RAPGEF1: variants seen among roughly 807,000 people sequenced by gnomAD.
RAPGEF1 encodes the protein Rap guanine nucleotide exchange factor 1, also known as CRK SH3-binding GNRP.
Under a neutral mutation model 143.3 loss-of-function variants are expected in RAPGEF1, and 33 were observed. The ratio of observed to expected loss-of-function variants is 0.23; its 90% CI spans 0.17 to 0.31. The LOEUF is 0.31. RAPGEF1 is among the 10% of genes least tolerant of loss of function. The pLI is 1.00. For synonymous variants in RAPGEF1, 629 were observed against 676.5 expected, an observed-to-expected ratio of 0.93 and a Z score of 1.09; for missense variants, 1,199 against 1,645.4, an observed-to-expected ratio of 0.73 and a Z score of 4.69.
intron 1 of RAPGEF1, among the ~76,000 whole-genome samples, chr9:131,652,906 C>A (rs1486602558): frequency 6.6e-6 from 1 of 152,158 alleles, no homozygotes; most frequent in Non-Finnish European, 1.5e-5. Context: ...AGCATCACCA[C>A]AAACAGGTGA....
At chr9:131,710,093 G>T in intron 1 of RAPGEF1, 1 of 361,606 alleles carries the variant, frequency 2.8e-6, no homozygotes, top group Non-Finnish European at 3.8e-6. Flanking sequence ...TGATCAAAAT[G>T]CTGAAAGTCA....
intron 22 of RAPGEF1, among the ~76,000 whole-genome samples, chr9:131,586,794 A>T (rs1251470150): frequency 3.0e-5 from 2 of 67,314 alleles, no homozygotes; most frequent in African/African-American, 6.7e-5. Context: ...AGACTCCGTC[A>T]AACACACACA....
intron 1 of RAPGEF1, among the ~76,000 whole-genome samples, chr9:131,710,905 G>C (rs1477192654): frequency 1.3e-5 from 2 of 152,258 alleles, no homozygotes; most frequent in East Asian, 3.9e-4. Flanking sequence ...TGCCAGTTGA[G>C]CACAGCAGCC....
Position 131,604,060 on chromosome 9 carries a change from G to GA in RAPGEF1, c.2320-8dup, listed in dbSNP as rs1355355744. ...CCTCACTGGCGTTTTCACTCTGGGGGAGACAGGACGAGAGGAAAGACACAT... is the reference window on the plus strand; with the variant it reads ...CCTCACTGGCGTTTTCACTCTGGGGGAAGACAGGACGAGAGGAAAGACACAT... On this transcript the variant is annotated splice_region_variant and splice_polypyrimidine_tract_variant and intron_variant, in intron 13 of 26. Transcript: ENST00000683357. 7.6e-7 allele frequency: 1 copy of GA among 1,314,632 alleles called. No individual in the cohort carries two copies. Among genetic ancestry groups the GA allele is most frequent in the Non-Finnish European group, 1.0e-6 (1 of 992,056 alleles). 81.4% of individuals were successfully genotyped at this position (1,314,632 alleles called of 1,614,324 possible).
In RAPGEF1 at chr9:131,628,483, G is replaced by A. The variant is rs530158226; in HGVS notation, c.1017+66C>T. The A allele has an allele frequency of 4.6e-5, 72 of 1,579,684 alleles. 1 individual carries two copies. The African/African-American group carries it at 9.0e-4, about 20-fold the overall frequency. The stretch of plus-strand genomic sequence containing the variant: ...GACCATGGGTTTCTTTCAGCTTCAG[G>A]AGCCACATCCCTGAGCCCCCCACCC... On this transcript the variant is annotated intron_variant, in intron 8 of 26. Transcript: ENST00000683357. The surrounding 1 kb of genome is among the most constrained non-coding windows in gnomAD (Gnocchi z 5.7).
intron 5 of RAPGEF1, among the ~76,000 whole-genome samples, chr9:131,636,969 T>C (rs984262468): frequency 6.6e-6 from 1 of 152,182 alleles, no homozygotes; most frequent in Admixed American, 6.5e-5. Flanking sequence ...CTCACACCTG[T>C]AATCCCAACA....
chr9:131,619,587 T>C (rs1407800321), intron 11 of RAPGEF1, among the ~76,000 whole-genome samples: 1 of 152,188 alleles, frequency 6.6e-6, no homozygotes, highest in African/African-American at 2.4e-5. Flanking sequence ...TCCGGCAGCC[T>C]GGGTTTGAGT....
intron 1 of RAPGEF1, among the ~76,000 whole-genome samples, chr9:131,706,350 C>A (rs1835058648): frequency 6.6e-6 from 1 of 152,036 alleles, no homozygotes; most frequent in African/African-American, 2.4e-5. Flanking sequence ...GCAACCTCCG[C>A]CTCCTAGGTT....
chr9:131,634,374 C>G (rs577328128), intron 5 of RAPGEF1, among the ~76,000 whole-genome samples: 1 of 152,208 alleles, frequency 6.6e-6, no homozygotes, highest in South Asian at 2.1e-4. Flanking sequence ...AAGTAGCTCT[C>G]CAAATATGTA....
intron 1 of RAPGEF1, among the ~76,000 whole-genome samples, chr9:131,717,782 G>C (rs62583103): frequency 1.2e-4 from 17 of 143,512 alleles, no homozygotes; most frequent in African/African-American, 4.3e-4. Context: ...AAAAAAAAAG[G>C]CTACATTTAA....
intron 17 of RAPGEF1, among the ~76,000 whole-genome samples, chr9:131,593,676 C>T (rs760456083): frequency 2.0e-5 from 3 of 152,178 alleles, no homozygotes; most frequent in Non-Finnish European, 2.9e-5. Context: ...CCTGCTCTTG[C>T]ACTGGGGGCT....
chr9:131,719,878 C>CT (rs200441011), intron 1 of RAPGEF1, among the ~76,000 whole-genome samples: 41 of 140,348 alleles, frequency 2.9e-4, no homozygotes, highest in African/African-American at 1.1e-3. Flanking sequence ...TTCTTCTTTT[C>CT]TTTCTTTCTT....
At chr9:131,582,248 G>A (rs1012660404) in intron 25 of RAPGEF1, among the ~76,000 whole-genome samples, 3 of 152,120 alleles carry the variant, frequency 2.0e-5, no homozygotes, top group African/African-American at 7.2e-5. Context: ...GTGATGCCAT[G>A]TGTGGGGAGA....
intron 12 of RAPGEF1, among the ~76,000 whole-genome samples, chr9:131,616,654 T>C (rs1588477482): frequency 6.6e-6 from 1 of 152,178 alleles, no homozygotes; most frequent in African/African-American, 2.4e-5. Flanking sequence ...ACGTGAGGTG[T>C]CTTCAGATTT....
At chr9:131,720,273 T>C (rs527873015) in intron 1 of RAPGEF1, among the ~76,000 whole-genome samples, 38 of 152,350 alleles carry the variant, frequency 2.5e-4, no homozygotes, top group Non-Finnish European at 4.4e-4. Flanking sequence ...ATAGCACAGC[T>C]CCTGGCATTA....
At chr9:131,600,721 A>G (rs539898157) in intron 15 of RAPGEF1, among the ~76,000 whole-genome samples, 11 of 152,330 alleles carry the variant, frequency 7.2e-5, no homozygotes, top group African/African-American at 2.6e-4. Flanking sequence ...CACATGGAAC[A>G]TTTCATAGAG....
chr9:131,733,366 G>GGGGGC (rs1837209052), intron 1 of RAPGEF1, among the ~76,000 whole-genome samples: 2 of 4,578 alleles, frequency 4.4e-4, no homozygotes, highest in Non-Finnish European at 9.3e-4. Flanking sequence ...GGGCGGGGGC[G>GGGGGC]GGGGGGGGGG....
Position 131,641,352 on chromosome 9 carries a change from C to T in RAPGEF1, c.494+1887G>A, listed in dbSNP as rs569599306. On this transcript the variant is annotated intron_variant, in intron 4 of 26. Coordinates refer to ENST00000683357, the MANE Select transcript of RAPGEF1 (RefSeq NM_001377935.1). This position sits in a 1 kb window ranked among gnomAD's most constrained non-coding sequence, Gnocchi z 4.6. ...GCCCGAGTCGCCGCCCTCCCCTCCC[C>T]GGGATACACCAGGCCCAGTGGCCTC... 1.3e-5 allele frequency among the ~76,000 whole-genome samples: 2 copies of T among 152,166 alleles called. No individual in the cohort carries two copies. Among genetic ancestry groups the T allele is most frequent in the East Asian group, 1.9e-4 (1 of 5,192 alleles).
chr9:131,719,162 T>A (rs1836075790), intron 1 of RAPGEF1, among the ~76,000 whole-genome samples: 1 of 152,164 alleles, frequency 6.6e-6, no homozygotes, highest in Admixed American at 6.5e-5. Flanking sequence ...TCTGGATGCT[T>A]AGTTTGTAAA....
Sources: gnomAD v4.1 joint callset for allele counts (sites outside exome capture counted in the v4.1 genomes callset) on GRCh38, gnomAD v4.1.1 for gene constraint, Gnocchi (gnomAD v3.1) non-coding constraint, MANE v1.5 for transcripts, NCBI Gene and HGNC (gene_info 2026-07-23, HGNC 2026-07-21) for gene names.